The following SLC35B4 variants were observed in gnomAD, a reference collection of about 807,000 sequenced individuals.
SLC35B4 encodes solute carrier family 35 member B4.
Under a neutral mutation model 39.5 loss-of-function variants are expected in SLC35B4, and 28 were observed. The ratio of observed to expected loss-of-function variants is 0.71; its 90% CI spans 0.53 to 0.97. SLC35B4 has a LOEUF of 0.97. SLC35B4 is among the 50% of genes least tolerant of loss of function. The pLI, the probability that SLC35B4 is intolerant of heterozygous loss-of-function variation, is 0.00. For synonymous variants in SLC35B4, 145 were observed against 150.4 expected, an observed-to-expected ratio of 0.96 and a Z score of 0.26; for missense variants, 334 against 414.3, an observed-to-expected ratio of 0.81 and a Z score of 1.68.
At chr7:134,305,069 C>T (rs1385054156) in intron 3 of SLC35B4, among the ~76,000 whole-genome samples, 1 of 152,156 alleles carries the variant, frequency 6.6e-6, no homozygotes, top group African/African-American at 2.4e-5. Flanking sequence ...CGCCCGTAAT[C>T]CCAGCACTTT....
chr7:134,316,895 T>C lies in SLC35B4; in HGVS notation c.-144A>G. 1 of 713,202 alleles carries C rather than the reference T, an allele frequency of 1.4e-6. No homozygotes were observed. The highest frequency in any genetic ancestry group is 2.3e-6 in the Non-Finnish European group (1 of 435,328). The allele number at this position is 713,202 out of a possible 1,614,324, so 44.2% of individuals were successfully genotyped here. On this transcript the variant is annotated 5_prime_UTR_variant, in exon 1 of 10. Coordinates refer to ENST00000378509, the MANE Select transcript of SLC35B4 (RefSeq NM_032826.5). ...GCTCTCACTGGGGGCCGCCGCGGTC[T>C]CCCCTTCTCCCGCGGCCAACACCGA...
intron 1 of SLC35B4, among the ~76,000 whole-genome samples, chr7:134,313,608 G>A (rs1288652088): frequency 6.6e-6 from 1 of 152,166 alleles, no homozygotes. Flanking sequence ...CCCAATCATA[G>A]GGATAAAAAT....
chr7:134,318,432 G>A (rs563301929), upstream of SLC35B4, among the ~76,000 whole-genome samples: 20 of 151,014 alleles, frequency 1.3e-4, no homozygotes, highest in Non-Finnish European at 2.1e-4. Context: ...ATATATACAC[G>A]TATATATACC....
intron 1 of SLC35B4, 88 bp from the exon 2 acceptor site, chr7:134,309,567 A>G (rs1803788280): frequency 1.2e-6 from 1 of 823,164 alleles, no homozygotes; most frequent in South Asian, 1.5e-5. Flanking sequence ...GGGCCAGAAT[A>G]ACAGCGTGGA....
In SLC35B4 at chr7:134,309,304, G is replaced by T. The variant is rs111380491; in HGVS notation, c.191+62C>A. ...GAATGTCTCATCCTCCTTTTATACA[G>T]GTACCACCTCTTTACTTTCTTAAAA... On this transcript the variant is annotated intron_variant, in intron 2 of 9. Coordinates refer to ENST00000378509, the MANE Select transcript of SLC35B4 (RefSeq NM_032826.5). The T allele has an allele frequency of 3.3e-6, 3 of 897,726 alleles. No homozygotes were observed. In the African/African-American group the frequency reaches 5.1e-5, roughly 15 times the overall value. The allele number at this position is 897,726 out of a possible 1,614,324, so 55.6% of individuals were successfully genotyped here.
intron 1 of SLC35B4, among the ~76,000 whole-genome samples, chr7:134,314,184 A>C (rs1486798160): frequency 6.6e-6 from 1 of 152,196 alleles, no homozygotes; most frequent in African/African-American, 2.4e-5. Context: ...TCTTTCTTTT[A>C]TATATTAAAG....
intron 1 of SLC35B4, among the ~76,000 whole-genome samples, chr7:134,309,923 A>G (rs2117313083): frequency 6.6e-6 from 1 of 152,354 alleles, no homozygotes; most frequent in East Asian, 1.9e-4. Context: ...ACCAGGAATC[A>G]CCAAGACTGC....
At chr7:134,300,964 T>C (rs1803567214) in intron 6 of SLC35B4, among the ~76,000 whole-genome samples, 1 of 152,208 alleles carries the variant, frequency 6.6e-6, no homozygotes, top group Admixed American at 6.5e-5. Context: ...CTAGTGAGGC[T>C]GAACCTAAAA....
At position 134,300,152 on chromosome 7, in the gene SLC35B4, A is replaced by T; in HGVS notation, c.597T>A (p.Asn199Lys). Reference protein sequence around the residue: ...GKHSKEALFYNHALPLPGFVF... With the variant: ...GKHSKEALFYKHALPLPGFVF... ...TTCCCAGGTTCAGGAAGTTGCTTAC[A>T]TTATAAAACAAAGCCTCCTTGGAGT... The change falls in exon 7 of 10, where the codon AAT (asparagine) becomes AAA (lysine). Residue 199 changes from asparagine (N) to lysine (K), a missense_variant and splice_region_variant. Coordinates refer to ENST00000378509, the MANE Select transcript of SLC35B4 (RefSeq NM_032826.5). The T allele has an allele frequency of 6.3e-7, 1 of 1,593,096 alleles. No individual in the cohort carries two copies. The highest frequency in any genetic ancestry group is 8.5e-7 in the Non-Finnish European group (1 of 1,170,690).
intron 3 of SLC35B4, 32 bp downstream of exon 3, chr7:134,306,640 G>A: frequency 6.4e-7 from 1 of 1,558,346 alleles, no homozygotes; most frequent in Non-Finnish European, 8.8e-7. Context: ...ACTTTTCAGA[G>A]GAACATATAC....
chr7:134,309,456 A>G lies in SLC35B4; in HGVS notation c.101T>C (p.Ile34Thr). Residue 34 changes from isoleucine to threonine, a missense_variant, in exon 2 of 10, where the codon ATT becomes ACT. Transcript: ENST00000378509. ...LARKHPGCGN[I>T]VTFAQFLFIA... ...AAATAAAAATTGTGCAAATGTCACA[A>G]TGTTCCCACATCCTGGATGCTTCCT... 1 of 1,610,568 alleles carries G rather than the reference A, an allele frequency of 6.2e-7. No homozygotes were observed. The highest frequency in any genetic ancestry group is 8.5e-7 in the Non-Finnish European group (1 of 1,179,500).
upstream of SLC35B4, chr7:134,317,099 A>G: frequency 4.1e-6 from 1 of 246,860 alleles, no homozygotes; most frequent in Non-Finnish European, 7.8e-6. Flanking sequence ...GCCCGGCATG[A>G]CTCGCGCGAT....
chr7:134,302,000 G>A (rs369575642), intron 5 of SLC35B4, 29 bp downstream of exon 5: 4 of 1,603,426 alleles, frequency 2.5e-6, no homozygotes, highest in Non-Finnish European at 3.4e-6. Context: ...AGCAAGTAGT[G>A]AACATAAAAT....
chr7:134,300,178 G>C lies in SLC35B4; in HGVS notation c.571C>G (p.His191Asp), dbSNP rs768751351. Reference sequence around the variant, plus strand: ...TTATAAAACAAAGCCTCCTTGGAGTGTTTCCCAAATCGTTTGTAGAGAGTC... The same window carrying C: ...TTATAAAACAAAGCCTCCTTGGAGTCTTTCCCAAATCGTTTGTAGAGAGTC... Reference protein sequence around the residue: ...QETLYKRFGKHSKEALFYNHA... With the variant: ...QETLYKRFGKDSKEALFYNHA... The change falls in exon 7 of 10, where the codon CAC becomes GAC. Residue 191 changes from histidine to aspartate, a missense_variant. Physicochemically the swap from His to Asp is moderately conservative, Grantham distance 81. Transcript: ENST00000378509. The C allele has an allele frequency of 6.2e-7, 1 of 1,612,082 alleles. No homozygotes were observed. The highest frequency in any genetic ancestry group is 8.5e-7 in the Non-Finnish European group (1 of 1,179,464).
chr7:134,302,943 G>A (rs1019047179), intron 4 of SLC35B4, among the ~76,000 whole-genome samples: 7 of 152,132 alleles, frequency 4.6e-5, no homozygotes, highest in Admixed American at 2.0e-4. Flanking sequence ...AAGCAGGTAC[G>A]AGCGGAGGTA....
chr7:134,311,525 C>T (rs1420978786), intron 1 of SLC35B4, among the ~76,000 whole-genome samples: 1 of 152,100 alleles, frequency 6.6e-6, no homozygotes, highest in Non-Finnish European at 1.5e-5. Context: ...TGTGGTGGTG[C>T]ATGCCTGTAA....
chr7:134,316,581 G>T, intron 1 of SLC35B4, 94 bp downstream of exon 1: 1 of 1,322,756 alleles, frequency 7.6e-7, no homozygotes, highest in Non-Finnish European at 1.0e-6. Context: ...CGGCGGGGTG[G>T]GGACAGGGCG....
At position 134,300,174 on chromosome 7, in the gene SLC35B4, G is replaced by C. The variant is rs764835413; in HGVS notation, c.575C>G (p.Ser192Cys). The change falls in exon 7 of 10, where the codon TCC (serine) becomes TGC (cysteine). Residue 192 changes from serine to cysteine, a missense_variant. Ser to Cys is a moderately radical substitution (Grantham distance 112). Coordinates refer to ENST00000378509, the MANE Select transcript of SLC35B4 (RefSeq NM_032826.5). ...ETLYKRFGKH[S>C]KEALFYNHAL... ...TACATTATAAAACAAAGCCTCCTTG[G>C]AGTGTTTCCCAAATCGTTTGTAGAG... The C allele has an allele frequency of 9.3e-6, 15 of 1,611,844 alleles. No homozygotes were observed. Among genetic ancestry groups the C allele is most frequent in the Non-Finnish European group, 1.3e-5 (15 of 1,179,236 alleles).
chr7:134,298,138 T>C (rs1803506656), intron 8 of SLC35B4, among the ~76,000 whole-genome samples: 1 of 152,202 alleles, frequency 6.6e-6, no homozygotes, highest in Non-Finnish European at 1.5e-5. Flanking sequence ...CATATATACA[T>C]ACACACGCAT....
Sources: allele counts gnomAD v4.1 joint callset (sites outside exome capture counted in the v4.1 genomes callset), GRCh38; gene constraint gnomAD v4.1.1; transcripts MANE v1.5; gene names NCBI Gene and HGNC (gene_info 2026-07-23, HGNC 2026-07-21).